Variants in ACCSL observed in about 807,000 individuals in gnomAD.
ACCSL encodes 1-aminocyclopropane-1-carboxylate synthase homolog (inactive) like.
A neutral mutation model predicts 61.7 loss-of-function variants in ACCSL; 55 were observed. That is an observed-to-expected ratio of 0.89 (90% CI 0.72 to 1.12). The LOEUF (loss-of-function observed/expected upper bound fraction) is 1.12. Ranked by LOEUF, ACCSL falls within the 50% of genes most tolerant of loss-of-function variation. ACCSL has a pLI of 0.00. For missense variants in ACCSL, 632 were observed against 698.0 expected, an observed-to-expected ratio of 0.91 and a Z score of 1.07; for synonymous variants, 258 against 264.3, an observed-to-expected ratio of 0.98 and a Z score of 0.23.
chr11:44,020,506 T>C, the ACCSL span, among the ~76,000 whole-genome samples: 1 of 152,210 alleles, frequency 6.6e-6, no homozygotes, highest in Admixed American at 6.5e-5. Flanking sequence ...ATTCCTAGTG[T>C]CTTTGTGTGT....
the ACCSL span, among the ~76,000 whole-genome samples, chr11:43,969,986 A>AT: frequency 7.6e-4 from 113 of 148,984 alleles, 2 homozygotes; most frequent in East Asian, 0.018. Flanking sequence ...GTTGTTCTGG[A>AT]TTTTTTTTTT....
At chr11:43,965,803 A>G in the ACCSL span, among the ~76,000 whole-genome samples, 6 of 152,312 alleles carry the variant, frequency 3.9e-5, no homozygotes, top group South Asian at 1.2e-3. Flanking sequence ...CCATACATCT[A>G]TAGTCAATTG....
At chr11:43,943,884 GT>G in the ACCSL span, 1 of 1,227,246 alleles carries the variant, frequency 8.1e-7, no homozygotes, top group African/African-American at 1.6e-5. This position sits in a 1 kb window ranked among gnomAD's most constrained non-coding sequence, Gnocchi z 4.8. Context: ...GCACAGTGCA[GT>G]TTTCCAGGCT....
the ACCSL span, among the ~76,000 whole-genome samples, chr11:43,931,368 G>T: frequency 6.6e-6 from 1 of 152,192 alleles, no homozygotes; most frequent in Non-Finnish European, 1.5e-5. Context: ...TGGAAAAATG[G>T]TTGGGATTTA....
chr11:44,029,920 T>C, the ACCSL span, among the ~76,000 whole-genome samples: 7 of 151,836 alleles, frequency 4.6e-5, no homozygotes, highest in Admixed American at 4.6e-4. Context: ...AGTGACTCCA[T>C]TGACTTGGGT....
At chr11:43,996,446 C>T in the ACCSL span, among the ~76,000 whole-genome samples, 1 of 152,124 alleles carries the variant, frequency 6.6e-6, no homozygotes, top group African/African-American at 2.4e-5. Context: ...GAGGATGGGG[C>T]AGATGGAGAT....
the ACCSL span, among the ~76,000 whole-genome samples, chr11:44,008,244 C>T: frequency 6.6e-6 from 1 of 152,150 alleles, no homozygotes; most frequent in Non-Finnish European, 1.5e-5. Context: ...GGTGGTGATG[C>T]AGGGGCTGGG....
the ACCSL span, among the ~76,000 whole-genome samples, chr11:44,023,041 C>CTTTTTTTTTTTTTTTTTTTTTT: frequency 3.5e-5 from 3 of 86,452 alleles, no homozygotes; most frequent in African/African-American, 4.7e-5. Context: ...TCTTCTTCTT[C>CTTTTTTTTTTTTTTTTTTTTTT]TTTTTTTTTT....
the ACCSL span, among the ~76,000 whole-genome samples, chr11:43,927,676 C>A: frequency 2.0e-5 from 3 of 152,174 alleles, no homozygotes; most frequent in African/African-American, 7.2e-5. Flanking sequence ...GAAGGCTATG[C>A]ATATTTTAAG....
At chr11:43,995,772 C>T in the ACCSL span, among the ~76,000 whole-genome samples, 92 of 152,210 alleles carry the variant, frequency 6.0e-4, 1 homozygote, top group South Asian at 0.018. Context: ...TAAGAAGGGG[C>T]CTTGCCAGAC....
At chr11:43,966,425 C>CAAA in the ACCSL span, among the ~76,000 whole-genome samples, 1 of 102,184 alleles carries the variant, frequency 9.8e-6, no homozygotes, top group Non-Finnish European at 2.0e-5. Flanking sequence ...GACTCTGTCT[C>CAAA]AAAAAAAAAA....
chr11:44,056,371 G>A, intron 11 of ACCSL, 45 bp downstream of exon 11: 1 of 1,584,526 alleles, frequency 6.3e-7, no homozygotes, highest in Non-Finnish European at 8.6e-7. Context: ...GGACCTCATG[G>A]CCATGGGGAA....
chr11:44,049,960 G>A, intron 1 of ACCSL, 102 bp from the exon 2 acceptor site: 1 of 1,488,980 alleles, frequency 6.7e-7, no homozygotes, highest in South Asian at 1.2e-5. Flanking sequence ...GGATTGAATT[G>A]CCTCATAGGC....
At chr11:43,970,817 A>G in the ACCSL span, among the ~76,000 whole-genome samples, 1 of 152,042 alleles carries the variant, frequency 6.6e-6, no homozygotes, top group African/African-American at 2.4e-5. Flanking sequence ...GTTGTCCTGG[A>G]CTCGGTCAGT....
At chr11:43,987,774 A>G in the ACCSL span, among the ~76,000 whole-genome samples, 1 of 152,190 alleles carries the variant, frequency 6.6e-6, no homozygotes, top group Non-Finnish European at 1.5e-5. Context: ...ATCTCTTCCC[A>G]GTATAATCCA....
rs772168693 is a variant in ACCSL at position 44,058,386 on chromosome 11, CT to C, written c.1398del (p.Glu467SerfsTer2). 5.0e-6 allele frequency: 8 copies of C among 1,614,128 alleles called. No homozygotes were observed. The highest frequency in any genetic ancestry group is 6.8e-6 in the Non-Finnish European group (8 of 1,180,032). ...RLREAHKYIT[A>X]ELKALEIPFH... ...CGGGAAGCTCACAAGTACATCACTG[CT>C]GAGCTGAAGGCATTGGAGATCCCTT... On this transcript the variant is annotated frameshift_variant, in exon 12 of 14. Transcript: ENST00000378832. LOFTEE classifies it high-confidence loss of function.
rs1282019002 is a variant in ACCSL at position 44,055,297 on chromosome 11, C to G, written c.1139+6C>G. On this transcript the variant is annotated splice_donor_region_variant and intron_variant, in intron 9 of 13. Transcript: ENST00000378832. ...AGCATTCTGAGCATGAAAAGGTGAGCTGGTCTCAGCTGGAGTTGGGAACGA... is the reference window on the plus strand; with the variant it reads ...AGCATTCTGAGCATGAAAAGGTGAGGTGGTCTCAGCTGGAGTTGGGAACGA... 6.2e-7 allele frequency: 1 copy of G among 1,607,934 alleles called. No individual in the cohort carries two copies. The highest frequency in any genetic ancestry group is 1.7e-5 in the Admixed American group (1 of 59,808).
chr11:44,005,654 T>C, the ACCSL span, among the ~76,000 whole-genome samples: 1 of 152,160 alleles, frequency 6.6e-6, no homozygotes, highest in Non-Finnish European at 1.5e-5. Flanking sequence ...CAACTCATTC[T>C]GGCTTCCCCG....
At chr11:43,932,143 G>T in the ACCSL span, among the ~76,000 whole-genome samples, 1 of 152,228 alleles carries the variant, frequency 6.6e-6, no homozygotes, top group Non-Finnish European at 1.5e-5. Context: ...CTCCTGTGTG[G>T]CCTCATTTTA....
Sources: gnomAD v4.1 joint callset for allele counts (sites outside exome capture counted in the v4.1 genomes callset) on GRCh38, gnomAD v4.1.1 for gene constraint, Gnocchi (gnomAD v3.1) non-coding constraint, MANE v1.5 for transcripts, NCBI Gene and HGNC (gene_info 2026-07-23, HGNC 2026-07-21) for gene names.